Variants in FRMPD3 observed in about 807,000 individuals in gnomAD.
The protein encoded by FRMPD3 is FERM and PDZ domain-containing protein 3.
A neutral mutation model predicts 97.9 loss-of-function variants in FRMPD3; 42 were observed. That is an observed-to-expected ratio of 0.43 (90% confidence interval 0.34 to 0.55). The LOEUF is 0.55. Ranked by LOEUF, FRMPD3 falls within the 20% of genes least tolerant of loss-of-function variation. FRMPD3 has a pLI of 0.03. For missense variants in FRMPD3, 1,303 were observed against 1,457.7 expected, an observed-to-expected ratio of 0.89 and a Z score of 1.73; for synonymous variants, 577 against 581.1, an observed-to-expected ratio of 0.99 and a Z score of 0.10.
At chrX:107,596,104 TA>T (rs2147645285) in intron 13 of FRMPD3, among the ~76,000 whole-genome samples, 1 of 111,345 alleles carries the variant, frequency 9.0e-6, no homozygotes, top group Admixed American at 9.6e-5. Context: ...GTCATAGATG[TA>T]ATCTCTAGTG....
chrX:107,522,020 A>G (rs763782026), intron 1 of FRMPD3, among the ~76,000 whole-genome samples: 22 of 111,771 alleles, frequency 2.0e-4, no homozygotes, highest in Admixed American at 1.2e-3. Flanking sequence ...CCCTCTTTGG[A>G]CAGTGATGGA....
At chrX:107,533,201 A>C (rs1923047804) in intron 3 of FRMPD3, among the ~76,000 whole-genome samples, 1 of 112,147 alleles carries the variant, frequency 8.9e-6, no homozygotes, top group Non-Finnish European at 1.9e-5. Flanking sequence ...TAAAATTGCT[A>C]CTAAGGTTTG....
intron 13 of FRMPD3, 21 bp downstream of exon 13, chrX:107,576,480 G>A: frequency 8.3e-7 from 1 of 1,206,219 alleles, no homozygotes; most frequent in Non-Finnish European, 1.1e-6. Flanking sequence ...ACCTCGGTTG[G>A]TTTTTGCTGT....
chrX:107,558,174 C>T (rs1401325612), intron 8 of FRMPD3, among the ~76,000 whole-genome samples: 1 of 110,103 alleles, frequency 9.1e-6, no homozygotes, highest in African/African-American at 3.3e-5. Flanking sequence ...TTTAATTATA[C>T]CTTCTATAAT....
chrX:107,559,576 A>T (rs189946407), intron 8 of FRMPD3, among the ~76,000 whole-genome samples: 1 of 111,980 alleles, frequency 8.9e-6, no homozygotes, highest in East Asian at 2.8e-4. Flanking sequence ...CTAGTCCCTT[A>T]GTCCATACTG....
chrX:107,593,889 A>T (rs763981788), intron 13 of FRMPD3, among the ~76,000 whole-genome samples: 64 of 109,664 alleles, frequency 5.8e-4, no homozygotes, highest in Non-Finnish European at 9.5e-5. Flanking sequence ...AAATTTTAGG[A>T]TTTTTTTTTC....
chrX:107,601,515 G>C lies in FRMPD3; in HGVS notation c.3476G>C (p.Arg1159Pro). 2 of 1,173,350 alleles carry C rather than the reference G, an allele frequency of 1.7e-6. No homozygotes were observed. Reference protein sequence around the residue: ...PHGHSPSSQSRGQSPSCQPRG... With the variant: ...PHGHSPSSQSPGQSPSCQPRG... ...GGCCACAGCCCCAGCAGCCAGTCTCGAGGTCAGAGCCCCAGCTGCCAACCT... is the reference window on the plus strand; with the variant it reads ...GGCCACAGCCCCAGCAGCCAGTCTCCAGGTCAGAGCCCCAGCTGCCAACCT... Residue 1159 changes from arginine to proline, a missense_variant, in exon 15 of 15, where the codon CGA becomes CCA. Transcript: ENST00000683843.
rs767996495 is a variant in FRMPD3, at chrX:107,460,496, T to A, written c.-8+10491T>A. Reference sequence around the variant, plus strand: ...ACCTCTGCCTCCCAGGCTCAAGTAATCCTCCCACCTCAGCCTCCCAAGTAG... The same window carrying A: ...ACCTCTGCCTCCCAGGCTCAAGTAAACCTCCCACCTCAGCCTCCCAAGTAG... On this transcript the variant is annotated intron_variant, in intron 1 of 14. Coordinates refer to ENST00000683843, the MANE Select transcript of FRMPD3 (RefSeq NM_001388459.1). Among the ~76,000 whole-genome samples, 10 of 109,303 alleles carry A rather than the reference T, an allele frequency of 9.1e-5. No homozygotes were observed. In the South Asian group the frequency reaches 4.1e-3, roughly 45 times the overall value. 94.9% of individuals were successfully genotyped at this position (109,303 alleles called of 115,157 possible).
At chrX:107,577,470 T>G (rs1295354408) in intron 13 of FRMPD3, among the ~76,000 whole-genome samples, 1 of 73,849 alleles carries the variant, frequency 1.4e-5, no homozygotes, top group African/African-American at 6.2e-5. Flanking sequence ...GGTGACAGAG[T>G]GAGACTGTCT....
In FRMPD3 at chrX:107,601,833, C is replaced by T. The variant is rs373481868; in HGVS notation, c.3794C>T (p.Thr1265Ile). ...KPPSQGELPG[T>I]EYLQPPAPGR... ...CCAAGCCAGGGGGAGCTGCCAGGCACCGAGTACCTGCAACCTCCAGCACCT... is the reference window on the plus strand; with the variant it reads ...CCAAGCCAGGGGGAGCTGCCAGGCATCGAGTACCTGCAACCTCCAGCACCT... Residue 1265 changes from threonine (T) to isoleucine (I), a missense_variant, in exon 15 of 15, where the codon ACC becomes ATC. Coordinates refer to ENST00000683843, the MANE Select transcript of FRMPD3 (RefSeq NM_001388459.1). The T allele has an allele frequency of 2.3e-3, 2,726 of 1,209,290 alleles. 6 individuals carry two copies. The highest frequency in any genetic ancestry group is 2.8e-3 in the Non-Finnish European group (2,501 of 894,990).
intron 1 of FRMPD3, among the ~76,000 whole-genome samples, chrX:107,500,008 C>T (rs1022520473): frequency 2.7e-5 from 3 of 111,757 alleles, no homozygotes; most frequent in East Asian, 5.6e-4. Flanking sequence ...GTTAAAGAGG[C>T]GGTGGAAGGG....
intron 1 of FRMPD3, among the ~76,000 whole-genome samples, chrX:107,467,424 T>C (rs1285671944): frequency 1.8e-5 from 2 of 111,297 alleles, no homozygotes; most frequent in African/African-American, 6.5e-5. Flanking sequence ...GACCTAAGCA[T>C]AGGACTATAG....
chrX:107,466,948 T>C (rs776514598), intron 1 of FRMPD3, among the ~76,000 whole-genome samples: 1 of 109,109 alleles, frequency 9.2e-6, no homozygotes, highest in South Asian at 4.1e-4. Flanking sequence ...GACATGAGGC[T>C]GGAGTCCAGC....
At chrX:107,463,862 T>G in intron 1 of FRMPD3, among the ~76,000 whole-genome samples, 1 of 112,504 alleles carries the variant, frequency 8.9e-6, no homozygotes, top group Middle Eastern at 4.6e-3. Context: ...ATTAACTAGC[T>G]GTCACCAAGC....
At chrX:107,476,073 C>G (rs938599757) in intron 1 of FRMPD3, among the ~76,000 whole-genome samples, 1 of 111,490 alleles carries the variant, frequency 9.0e-6, no homozygotes, top group African/African-American at 3.3e-5. Context: ...TTAGTAGAGA[C>G]GGGTTTTCAC....
chrX:107,489,159 G>A (rs1457679379), intron 1 of FRMPD3, among the ~76,000 whole-genome samples: 2 of 109,397 alleles, frequency 1.8e-5, no homozygotes, highest in African/African-American at 3.3e-5. Context: ...TACAAAGGAC[G>A]TGAACTCTTC....
At chrX:107,549,562 C>T in intron 5 of FRMPD3, among the ~76,000 whole-genome samples, 1 of 111,028 alleles carries the variant, frequency 9.0e-6, no homozygotes, top group East Asian at 2.9e-4. Flanking sequence ...CAGAAAGGGC[C>T]TAGGGAGGGG....
chrX:107,492,958 G>A (rs1345857963), intron 1 of FRMPD3, among the ~76,000 whole-genome samples: 1 of 110,051 alleles, frequency 9.1e-6, no homozygotes, highest in Non-Finnish European at 1.9e-5. Context: ...CAGGAGGATG[G>A]CTTGAGCCCA....
intron 13 of FRMPD3, among the ~76,000 whole-genome samples, chrX:107,578,307 C>T (rs1385705980): frequency 8.9e-6 from 1 of 111,915 alleles, no homozygotes; most frequent in Admixed American, 9.5e-5. Context: ...CATCAGCACC[C>T]TAGCCAATGC....
Sources: gnomAD v4.1 joint callset for allele counts (sites outside exome capture counted in the v4.1 genomes callset) on GRCh38, gnomAD v4.1.1 for gene constraint, MANE v1.5 for transcripts, NCBI Gene and HGNC (gene_info 2026-07-23, HGNC 2026-07-21) for gene names.